TAF1: variants seen among roughly 807,000 people sequenced by gnomAD.
TAF1 encodes the protein transcription initiation factor TFIID subunit 1.
A neutral mutation model predicts 138.5 loss-of-function variants in TAF1; 2 were observed. That is an observed-to-expected ratio of 0.01 (90% confidence interval 0.01 to 0.05). TAF1 has a LOEUF of 0.05. TAF1 is among the 10% of genes least tolerant of loss of function. The pLI, the probability that TAF1 is intolerant of heterozygous loss-of-function variation, is 1.00. For synonymous variants in TAF1, 437 were observed against 503.2 expected (o/e 0.87, Z 1.76); for missense variants, 709 against 1,478.0 (o/e 0.48, Z 8.53).
intron 13 of TAF1, among the ~76,000 whole-genome samples, chrX:71,508,610 AAAAAAAAAAAAAG>A (rs929521100): frequency 8.6e-5 from 9 of 105,002 alleles, no homozygotes; most frequent in South Asian, 4.2e-4. Flanking sequence ...GTCTCTGAAA[AAAAAAAAAAAAAG>A]AAAAAAAAAA....
At chrX:71,497,259 C>T (rs974798903) in intron 13 of TAF1, among the ~76,000 whole-genome samples, 2 of 111,868 alleles carry the variant, frequency 1.8e-5, no homozygotes, top group African/African-American at 3.3e-5. Context: ...TAAGTCTGGA[C>T]TATAATTTAT....
chrX:71,374,187 C>T (rs1300348740), intron 3 of TAF1, among the ~76,000 whole-genome samples: 1 of 110,349 alleles, frequency 9.1e-6, no homozygotes, highest in Non-Finnish European at 1.9e-5. Flanking sequence ...GGTTCAAGTG[C>T]TTCTTGTGCC....
intron 13 of TAF1, among the ~76,000 whole-genome samples, chrX:71,471,175 G>C (rs2038877393): frequency 9.3e-6 from 1 of 107,568 alleles, no homozygotes; most frequent in Non-Finnish European, 1.9e-5. Flanking sequence ...AAAATTAGCT[G>C]GGCATGGTGA....
intron 18 of TAF1, 85 bp downstream of exon 18, chrX:71,389,750 A>G (rs1321638033): frequency 1.3e-6 from 1 of 754,964 alleles, no homozygotes; most frequent in African/African-American, 2.1e-5. Flanking sequence ...GATAACATAA[A>G]ATAAACTGTA....
chrX:71,519,567 C>T (rs1187492057), intron 13 of TAF1, among the ~76,000 whole-genome samples: 4 of 103,817 alleles, frequency 3.9e-5, no homozygotes, highest in African/African-American at 1.1e-4. Flanking sequence ...GGCATGAACC[C>T]GGGAGGCAGA....
At chrX:71,408,603 G>A (rs1284130880) in intron 28 of TAF1, among the ~76,000 whole-genome samples, 2 of 111,413 alleles carry the variant, frequency 1.8e-5, no homozygotes, top group Admixed American at 9.5e-5. Flanking sequence ...CACTGCGCCC[G>A]GCCTAATGTC....
At chrX:71,410,326 G>A (rs1039068038) in intron 28 of TAF1, among the ~76,000 whole-genome samples, 5 of 109,447 alleles carry the variant, frequency 4.6e-5, no homozygotes, top group African/African-American at 1.7e-4. Context: ...TGAGGTGATG[G>A]GTTGATGTGT....
At chrX:71,425,735 C>A (rs1162505556) in intron 32 of TAF1, among the ~76,000 whole-genome samples, 1 of 110,852 alleles carries the variant, frequency 9.0e-6, no homozygotes, top group African/African-American at 3.3e-5. Flanking sequence ...CAAGGAATAA[C>A]CTGAGAGTTA....
intron 9 of TAF1, 59 bp downstream of exon 9, chrX:71,381,978 A>G (rs1044258883): frequency 5.0e-5 from 55 of 1,089,854 alleles, no homozygotes; most frequent in Middle Eastern, 2.7e-4. Context: ...GTTAATGTCA[A>G]CGGGCAGGAG....
intron 32 of TAF1, among the ~76,000 whole-genome samples, chrX:71,431,103 C>T (rs904659151): frequency 2.9e-5 from 3 of 104,495 alleles, no homozygotes; most frequent in South Asian, 4.6e-4. Context: ...CAACCTTCGC[C>T]GCCCAGGTTC....
exon 15 of TAF1, chrX:71,529,965 T>G (rs757740209): frequency 6.9e-4 from 129 of 187,252 alleles, no homozygotes; most frequent in Non-Finnish European, 1.0e-4. Flanking sequence ...GTGCTCCCCT[T>G]GCTGTTCTGC....
At chrX:71,530,197 G>C (rs1375028308) in exon 15 of TAF1, 1 of 123,259 alleles carries the variant, frequency 8.1e-6, no homozygotes. Flanking sequence ...CAGGTTACAA[G>C]ATTTCTGGAA....
intron 13 of TAF1, among the ~76,000 whole-genome samples, chrX:71,474,168 GAGCA>G (rs1001665054): frequency 4.5e-5 from 5 of 110,071 alleles, no homozygotes; most frequent in Non-Finnish European, 7.6e-5. Context: ...GAGAGAGAGA[GAGCA>G]AGCAAGCAAG....
intron 13 of TAF1, among the ~76,000 whole-genome samples, chrX:71,517,684 G>A (rs1204084831): frequency 8.9e-5 from 10 of 111,962 alleles, no homozygotes; most frequent in Non-Finnish European, 1.7e-4. Context: ...CCAACACCTT[G>A]ACCCTGAGCA....
At chrX:71,459,854 G>A in intron 36 of TAF1, 146 bp downstream of exon 36, 1 of 1,008,976 alleles carries the variant, frequency 9.9e-7, no homozygotes. Context: ...AGAGTACTGA[G>A]CACTCAGGCG....
At chrX:71,390,453 C>T (rs1446190410) in intron 18 of TAF1, among the ~76,000 whole-genome samples, 2 of 111,860 alleles carry the variant, frequency 1.8e-5, no homozygotes, top group African/African-American at 6.5e-5. Flanking sequence ...CTGGACTTTT[C>T]CCCTCATTCC....
At chrX:71,477,935 A>G in intron 13 of TAF1, among the ~76,000 whole-genome samples, 1 of 110,413 alleles carries the variant, frequency 9.1e-6, no homozygotes, top group Non-Finnish European at 1.9e-5. Context: ...CAAAGGCTGC[A>G]GTGAGCCGAG....
chrX:71,382,638 G>A lies in TAF1; in HGVS notation c.1640G>A (p.Gly547Glu). Residue 547 changes from glycine to glutamate, a missense_variant, in exon 10 of 38, where the codon GGA (glycine) becomes GAA (glutamate). By Grantham distance (98) the Gly-to-Glu change is moderately conservative. Coordinates refer to ENST00000423759, the MANE Select transcript of TAF1 (RefSeq NM_004606.5). ...KKSRILLGKT[G>E]VIKEEPQQNM... The stretch of plus-strand genomic sequence containing the variant: ...AGTCGAATTCTCTTAGGGAAAACAG[G>A]AGTCATCAAGGAGGAACCACAGCAG... The A allele has an allele frequency of 8.3e-7, 1 of 1,211,185 alleles. No individual in the cohort carries two copies. Among genetic ancestry groups the A allele is most frequent in the Non-Finnish European group, 1.1e-6 (1 of 895,407 alleles).
intron 13 of TAF1, among the ~76,000 whole-genome samples, chrX:71,509,163 G>A (rs1469938505): frequency 9.0e-6 from 1 of 111,513 alleles, no homozygotes; most frequent in African/African-American, 3.3e-5. Flanking sequence ...CAAGTCATGG[G>A]TTTCAAACAA....
Sources: allele counts gnomAD v4.1 joint callset (sites outside exome capture counted in the v4.1 genomes callset), GRCh38; gene constraint gnomAD v4.1.1; transcripts MANE v1.5; gene names NCBI Gene and HGNC (gene_info 2026-07-23, HGNC 2026-07-21).